The following NTNG1 variants were observed in gnomAD, a reference collection of about 807,000 sequenced individuals.
NTNG1 encodes netrin G1.
Under a neutral mutation model 54.0 loss-of-function variants are expected in NTNG1, and 16 were observed. The ratio of observed to expected loss-of-function variants is 0.30; its 90% CI spans 0.20 to 0.45. The LOEUF (loss-of-function observed/expected upper bound fraction) is 0.45, where lower values mean the gene tolerates loss of function less well. Ranked by LOEUF, NTNG1 falls within the 20% of genes least tolerant of loss-of-function variation. The probability of loss-of-function intolerance (pLI) is 1.00; values close to 1 mark genes in which losing one functional copy is unlikely to be tolerated. For synonymous variants in NTNG1, 255 were observed against 263.1 expected (o/e 0.97, Z 0.30); for missense variants, 530 against 678.7 (o/e 0.78, Z 2.43).
chr1:107,160,642 A>G (rs1263544069), intron 2 of NTNG1, among the ~76,000 whole-genome samples: 1 of 152,080 alleles, frequency 6.6e-6, no homozygotes, highest in Non-Finnish European at 1.5e-5. Flanking sequence ...TCCATTCAAC[A>G]TCATATGCTA....
intron 7 of NTNG1, among the ~76,000 whole-genome samples, chr1:107,477,973 A>G (rs573533287): frequency 6.6e-6 from 1 of 152,342 alleles, no homozygotes; most frequent in Non-Finnish European, 1.5e-5. Flanking sequence ...AGCAGAAATC[A>G]TCCTTTATAT....
intron 2 of NTNG1, among the ~76,000 whole-genome samples, chr1:107,310,585 A>G (rs1186093788): frequency 6.6e-6 from 1 of 152,284 alleles, no homozygotes; most frequent in African/African-American, 2.4e-5. Flanking sequence ...TGAATAAAAT[A>G]TACTTGTATT....
chr1:107,360,574 A>T (rs1028613660), intron 3 of NTNG1, among the ~76,000 whole-genome samples: 1 of 152,226 alleles, frequency 6.6e-6, no homozygotes, highest in South Asian at 2.1e-4. Flanking sequence ...AATATAATTT[A>T]TATGATAATG....
rs188524942 is a variant in NTNG1 at position 107,223,826 on chromosome 1, G to A, written c.246+74987G>A. ...GAAGGTAGAGGTGTTGTCAGGTGAG[G>A]ATGAAATCCTGGAAGAACCAATCTG... On this transcript the variant is annotated intron_variant, in intron 2 of 7. Transcript: ENST00000370068. 2.5e-3 allele frequency among the ~76,000 whole-genome samples: 378 copies of A among 152,234 alleles called. 1 individual carries two copies. Among genetic ancestry groups the A allele is most frequent in the Non-Finnish European group, 3.9e-3 (267 of 67,994 alleles).
At chr1:107,464,980 T>G (rs995898357) in intron 7 of NTNG1, among the ~76,000 whole-genome samples, 1 of 152,108 alleles carries the variant, frequency 6.6e-6, no homozygotes, top group Non-Finnish European at 1.5e-5. Flanking sequence ...CAACCCCACA[T>G]TCCCCCTCCT....
At chr1:107,148,977 T>G in intron 2 of NTNG1, 138 bp downstream of exon 2, 1 of 823,258 alleles carries the variant, frequency 1.2e-6, no homozygotes, top group Non-Finnish European at 1.9e-6. Flanking sequence ...CAGGCTAGTT[T>G]CTTTCTCAGT....
At chr1:107,458,871 A>C (rs1389964302) in intron 7 of NTNG1, among the ~76,000 whole-genome samples, 1 of 152,036 alleles carries the variant, frequency 6.6e-6, no homozygotes, top group African/African-American at 2.4e-5. Context: ...TGTGAACTTC[A>C]TTTTCAAATT....
chr1:107,453,685 G>A (rs1209514703), intron 7 of NTNG1, among the ~76,000 whole-genome samples: 3 of 152,080 alleles, frequency 2.0e-5, no homozygotes, highest in African/African-American at 4.8e-5. Context: ...AGGGAAGTGG[G>A]CTAGACTCTT....
chr1:107,318,557 GT>G (rs1026727249), intron 2 of NTNG1, among the ~76,000 whole-genome samples: 29 of 151,638 alleles, frequency 1.9e-4, no homozygotes, highest in African/African-American at 6.8e-4. Flanking sequence ...AAAGAAATTT[GT>G]GCCGGTTTTG....
chr1:107,144,642 G>A (rs1653977623), intron 1 of NTNG1, among the ~76,000 whole-genome samples: 1 of 151,976 alleles, frequency 6.6e-6, no homozygotes, highest in Non-Finnish European at 1.5e-5. Flanking sequence ...AATCCAAGGT[G>A]GAAGGGAATT....
intron 3 of NTNG1, among the ~76,000 whole-genome samples, chr1:107,341,323 T>A (rs905719144): frequency 1.5e-4 from 23 of 152,076 alleles, no homozygotes; most frequent in African/African-American, 5.6e-4. Context: ...GCCATTAATG[T>A]GCACTTATCT....
At chr1:107,193,478 C>A (rs1193836337) in intron 2 of NTNG1, among the ~76,000 whole-genome samples, 1 of 151,936 alleles carries the variant, frequency 6.6e-6, no homozygotes, top group African/African-American at 2.4e-5. Flanking sequence ...GGCCAGAAAC[C>A]CCCTTTCTTA....
At chr1:107,422,321 G>A (rs1025888188) in intron 5 of NTNG1, among the ~76,000 whole-genome samples, 53 of 152,060 alleles carry the variant, frequency 3.5e-4, no homozygotes, top group African/African-American at 1.2e-3. Flanking sequence ...ATGCCATATG[G>A]AAAGAAACAA....
Position 107,216,320 on chromosome 1 carries a change from C to T in NTNG1, c.246+67481C>T, listed in dbSNP as rs556560001. Among the ~76,000 whole-genome samples the T allele has an allele frequency of 1.6e-4, 24 of 152,256 alleles. No homozygotes were observed. In the South Asian group the frequency reaches 3.5e-3, roughly 22 times the overall value. ...GCTTTTATTACCTTAAGGTATGTCC[C>T]TTGTATGCCAGTTTTGCTAAGGGTT... On this transcript the variant is annotated intron_variant, in intron 2 of 7. Coordinates refer to ENST00000370068, the MANE Select transcript of NTNG1 (RefSeq NM_001113226.3).
intron 5 of NTNG1, chr1:107,421,285 A>G (rs1360615374): frequency 6.8e-6 from 4 of 591,744 alleles, no homozygotes; most frequent in Non-Finnish European, 1.2e-5. Flanking sequence ...AATGCATCGA[A>G]TAGTACTGAG....
At chr1:107,194,650 G>A (rs995901065) in intron 2 of NTNG1, among the ~76,000 whole-genome samples, 6 of 152,150 alleles carry the variant, frequency 3.9e-5, no homozygotes, top group African/African-American at 1.4e-4. Context: ...AATGTGTTTA[G>A]AAATTTTTAG....
At chr1:107,230,642 C>T (rs1450562293) in intron 2 of NTNG1, among the ~76,000 whole-genome samples, 3 of 152,126 alleles carry the variant, frequency 2.0e-5, no homozygotes, top group Non-Finnish European at 4.4e-5. Flanking sequence ...GTATGGTTTT[C>T]TATATTTAAG....
Position 107,431,016 on chromosome 1 carries a change from A to G in NTNG1, c.1255+99A>G, listed in dbSNP as rs547246275. ...TGGCGATTTGCACCGCGGTTGAGCC[A>G]GAATGAACTTTCTCAATGTAGAAAA... On this transcript the variant is annotated intron_variant, in intron 6 of 7. Coordinates refer to ENST00000370068, the MANE Select transcript of NTNG1 (RefSeq NM_001113226.3). 5.7e-6 allele frequency: 6 copies of G among 1,056,314 alleles called. No individual in the cohort carries two copies. The East Asian group carries it at 1.3e-4, about 22-fold the overall frequency. 65.4% of individuals were successfully genotyped at this position (1,056,314 alleles called of 1,614,324 possible). A position where few individuals can be genotyped will look rare whatever the true frequency, so the allele number is the denominator to read the frequency against.
chr1:107,473,646 A>G (rs1678125630), intron 7 of NTNG1, among the ~76,000 whole-genome samples: 1 of 152,258 alleles, frequency 6.6e-6, no homozygotes, highest in South Asian at 2.1e-4. Flanking sequence ...CTCATCCAAG[A>G]TGGTGCAAGA....
Sources: allele counts gnomAD v4.1 joint callset (sites outside exome capture counted in the v4.1 genomes callset), GRCh38; gene constraint gnomAD v4.1.1; transcripts MANE v1.5; gene names NCBI Gene and HGNC (gene_info 2026-07-23, HGNC 2026-07-21).